Variants in NRXN2 observed in about 807,000 individuals in gnomAD.
NRXN2 encodes neurexin 2, also known as neurexin-2-beta.
A neutral mutation model predicts 128.8 loss-of-function variants in NRXN2; 29 were observed. That is an observed-to-expected ratio of 0.23 (90% confidence interval 0.17 to 0.31). The LOEUF is 0.31. NRXN2 is among the 10% of genes least tolerant of loss of function. NRXN2 has a pLI of 1.00. For missense variants in NRXN2, 1,881 were observed against 2,452.6 expected, an observed-to-expected ratio of 0.77 and a Z score of 4.92; for synonymous variants, 1,098 against 1,075.2, an observed-to-expected ratio of 1.02 and a Z score of -0.41.
At chr11:64,701,999 G>A (rs2055491693) in intron 2 of NRXN2, among the ~76,000 whole-genome samples, 2 of 141,574 alleles carry the variant, frequency 1.4e-5, no homozygotes, top group South Asian at 4.5e-4. Flanking sequence ...CCGGGAGGGA[G>A]GTGGGGGGGG....
intron 2 of NRXN2, among the ~76,000 whole-genome samples, chr11:64,700,198 C>T (rs1012708665): frequency 2.0e-5 from 3 of 152,198 alleles, no homozygotes; most frequent in Non-Finnish European, 4.4e-5. Flanking sequence ...TGCTCAGAGA[C>T]TCCCAAACCA....
chr11:64,610,551 G>A (rs2040461735), intron 22 of NRXN2, among the ~76,000 whole-genome samples: 1 of 152,176 alleles, frequency 6.6e-6, no homozygotes, highest in Non-Finnish European at 1.5e-5. Flanking sequence ...CTGTCACTGA[G>A]TTCCTGTGTG....
intron 11 of NRXN2, chr11:64,659,537 G>C (rs563177299): frequency 4.6e-5 from 7 of 152,644 alleles, no homozygotes; most frequent in Non-Finnish European, 7.3e-5. Context: ...AGTGGCCTGA[G>C]GGGGAGGGTC....
rs761002145 is a variant in NRXN2 at position 64,607,934 on chromosome 11, G to A, written c.4401C>T (p.Ala1467=). 1.9e-6 allele frequency: 3 copies of A among 1,546,254 alleles called. No homozygotes were observed. The highest frequency in any genetic ancestry group is 2.6e-6 in the Non-Finnish European group (3 of 1,147,118). The change falls in exon 23 of 23, where the codon GCC becomes GCT. Residue 1467 remains alanine (A), a synonymous_variant. Coordinates refer to ENST00000265459, the MANE Select transcript of NRXN2 (RefSeq NM_015080.4). ...GATQDTLPPP[A]ARRPPSGGPC... ...GGCCCCCAGAGGGCGGGCGGCGCGC[G>A]GCGGGCGGGGGCAGCGTGTCTTGGG...
At chr11:64,706,095 TTATATATATAAAGTA>T (rs2056241322) in intron 2 of NRXN2, among the ~76,000 whole-genome samples, 1 of 27,200 alleles carries the variant, frequency 3.7e-5, no homozygotes, top group Non-Finnish European at 6.1e-5. Flanking sequence ...ATAATATATA[TTATATATATAAAGTA>T]TATATATATA....
chr11:64,651,535 C>T lies in NRXN2; in HGVS notation c.2638G>A (p.Gly880Arg). 1.2e-6 allele frequency: 2 copies of T among 1,614,114 alleles called. No homozygotes were observed. The highest frequency in any genetic ancestry group is 1.7e-6 in the Non-Finnish European group (2 of 1,180,020). The stretch of plus-strand genomic sequence containing the variant: ...TTGAACACGAGCCCACTCAGATGCC[C>T]GATGAAGTTGGAGGGCACCACGGAG... Reference protein sequence around the residue: ...FISVVPSNFIGHLSGLVFNGQ... With the variant: ...FISVVPSNFIRHLSGLVFNGQ... The change falls in exon 14 of 23, where the codon GGG becomes AGG. Residue 880 changes from glycine (G) to arginine (R), a missense_variant. By Grantham distance (125) the Gly-to-Arg change is moderately radical. Coordinates refer to ENST00000265459, the MANE Select transcript of NRXN2 (RefSeq NM_015080.4). The surrounding 1 kb of genome is among the most constrained non-coding windows in gnomAD (Gnocchi z 5.9).
In NRXN2 at chr11:64,623,485, T is replaced by C; in HGVS notation, c.3848-407A>G. On this transcript the variant is annotated intron_variant, in intron 20 of 22. Coordinates refer to ENST00000265459, the MANE Select transcript of NRXN2 (RefSeq NM_015080.4). The surrounding 1 kb of genome is among the most constrained non-coding windows in gnomAD (Gnocchi z 4.9). ...TGCTTCCCCAAACATCCTGCCCCAGTGTCCAGCCCCAAGCCCTGAAGCCAT... is the reference window on the plus strand; with the variant it reads ...TGCTTCCCCAAACATCCTGCCCCAGCGTCCAGCCCCAAGCCCTGAAGCCAT... The C allele has an allele frequency of 3.8e-6, 1 of 261,500 alleles. No individual in the cohort carries two copies. Among genetic ancestry groups the C allele is most frequent in the Non-Finnish European group, 7.5e-6 (1 of 132,774 alleles). 16.2% of individuals were successfully genotyped at this position (261,500 alleles called of 1,614,324 possible).
intron 7 of NRXN2, among the ~76,000 whole-genome samples, chr11:64,669,997 C>A (rs1049421399): frequency 6.6e-6 from 1 of 151,968 alleles, no homozygotes; most frequent in Non-Finnish European, 1.5e-5. Context: ...CATCTTCCAG[C>A]GACTGGTCTC....
At position 64,607,465 on chromosome 11, in the gene NRXN2, C is replaced by T; in HGVS notation, c.4870G>A (p.Gly1624Ser). Residue 1624 changes from glycine (G) to serine (S), a missense_variant, in exon 23 of 23, where the codon GGC becomes AGC. This residue lies in a region of NRXN2 where 310 missense variants were observed against 318.2 expected (regional missense o/e 0.97). Transcript: ENST00000265459. ...PTGPGERGPP[G>S]AVEVIRESSS... is the part of the protein sequence containing the mutation. ...GACTCCCGGATCACCTCCACTGCGCCCGGCGGGCCCCGCTCCCCAGGCCCT... is the reference window on the plus strand; with the variant it reads ...GACTCCCGGATCACCTCCACTGCGCTCGGCGGGCCCCGCTCCCCAGGCCCT... 1 of 1,608,054 alleles carries T rather than the reference C, an allele frequency of 6.2e-7. No homozygotes were observed. Among genetic ancestry groups the T allele is most frequent in the Non-Finnish European group, 8.5e-7 (1 of 1,178,830 alleles).
At chr11:64,668,131 G>A (rs1015703963) in intron 8 of NRXN2, among the ~76,000 whole-genome samples, 3 of 152,220 alleles carry the variant, frequency 2.0e-5, no homozygotes, top group Non-Finnish European at 4.4e-5. Flanking sequence ...CACAGTCACA[G>A]AACCAATGAG....
chr11:64,629,846 T>C (rs1260792261), intron 19 of NRXN2, among the ~76,000 whole-genome samples: 1 of 152,172 alleles, frequency 6.6e-6, no homozygotes, highest in Non-Finnish European at 1.5e-5. Context: ...CTGGGGGTCC[T>C]TTTCTCTGAG....
chr11:64,717,879 G>A (rs1218273442), intron 1 of NRXN2, among the ~76,000 whole-genome samples: 1 of 152,152 alleles, frequency 6.6e-6, no homozygotes, highest in East Asian at 1.9e-4. Flanking sequence ...CCTGTGTCTG[G>A]GGCTCAGAGC....
chr11:64,652,086 C>G lies in NRXN2; in HGVS notation c.2485G>C (p.Val829Leu). The change falls in exon 13 of 23, where the codon GTC becomes CTC. Residue 829 changes from valine (V) to leucine (L), a missense_variant. Around this residue, in one of 7 missense-constraint regions of NRXN2, gnomAD observed 997 missense variants for 1,240.8 expected, o/e 0.80. Transcript: ENST00000265459. ...AGCTGCAGGCTCTTGCCACGCCGGA[C>G]CACCCTCACCGTGTGCCACTCATTG... Reference protein sequence around the residue: ...NDNEWHTVRVVRRGKSLQLSV... With the variant: ...NDNEWHTVRVLRRGKSLQLSV... 1 of 1,613,492 alleles carries G rather than the reference C, an allele frequency of 6.2e-7. No individual in the cohort carries two copies. Among genetic ancestry groups the G allele is most frequent in the Non-Finnish European group, 8.5e-7 (1 of 1,179,990 alleles).
chr11:64,669,020 A>G (rs2050271022), intron 7 of NRXN2, among the ~76,000 whole-genome samples: 1 of 152,156 alleles, frequency 6.6e-6, no homozygotes, highest in Non-Finnish European at 1.5e-5. Context: ...CTCTGGACAC[A>G]CACGTAACTC....
At chr11:64,695,336 A>C (rs1395889031) in intron 3 of NRXN2, among the ~76,000 whole-genome samples, 1 of 152,148 alleles carries the variant, frequency 6.6e-6, no homozygotes, top group Non-Finnish European at 1.5e-5. Context: ...TTGCCCTGCC[A>C]CTAGAGGCTG....
At chr11:64,718,854 C>A (rs958603052) in intron 1 of NRXN2, among the ~76,000 whole-genome samples, 3 of 152,138 alleles carry the variant, frequency 2.0e-5, no homozygotes, top group African/African-American at 7.2e-5. Flanking sequence ...AGACCCCATG[C>A]CTTTCCACAC....
intron 17 of NRXN2, among the ~76,000 whole-genome samples, chr11:64,642,384 G>A (rs932338106): frequency 1.3e-5 from 2 of 151,944 alleles, no homozygotes; most frequent in African/African-American, 4.8e-5. Flanking sequence ...ATGGGAGCTG[G>A]AGATTGGAGG....
At chr11:64,643,441 G>A (rs1246842698) in intron 17 of NRXN2, 1 of 187,250 alleles carries the variant, frequency 5.3e-6, no homozygotes, top group Non-Finnish European at 9.7e-6. Context: ...GGGGATAGGA[G>A]AGGAGGGGAG....
chr11:64,622,688 A>G lies in NRXN2; in HGVS notation c.4173+65T>C. The G allele has an allele frequency of 1.3e-6, 2 of 1,558,924 alleles. No homozygotes were observed. The highest frequency in any genetic ancestry group is 1.7e-6 in the Non-Finnish European group (2 of 1,153,004). On this transcript the variant is annotated intron_variant, in intron 21 of 22. Coordinates refer to ENST00000265459, the MANE Select transcript of NRXN2 (RefSeq NM_015080.4). This position sits in a 1 kb window ranked among gnomAD's most constrained non-coding sequence, Gnocchi z 4.3. The stretch of plus-strand genomic sequence containing the variant: ...CACTCTAGGCACCACTACTGTGGCT[A>G]TGCAGATATCAACCCCATCCCCACC...
Sources: gnomAD v4.1 joint callset for allele counts (sites outside exome capture counted in the v4.1 genomes callset) on GRCh38, gnomAD v4.1.1 for gene constraint, gnomAD v4.1.1 regional missense constraint, Gnocchi (gnomAD v3.1) non-coding constraint, MANE v1.5 for transcripts, NCBI Gene and HGNC (gene_info 2026-07-23, HGNC 2026-07-21) for gene names.